Variants in DLGAP2 observed in about 807,000 individuals in gnomAD.
The protein encoded by DLGAP2 is DLG associated protein 2.
A neutral mutation model predicts 100.3 loss-of-function variants in DLGAP2; 26 were observed. The observed-to-expected ratio is 0.26, with a 90% CI of 0.19 to 0.36. The LOEUF (loss-of-function observed/expected upper bound fraction) is 0.36. Ranked by LOEUF, DLGAP2 falls within the 10% of genes least tolerant of loss-of-function variation. The probability of loss-of-function intolerance (pLI) is 1.00; values close to 1 mark genes in which losing one functional copy is unlikely to be tolerated. For missense variants in DLGAP2, 1,858 were observed against 1,453.2 expected, an observed-to-expected ratio of 1.28 and a Z score of -4.53; for synonymous variants, 886 against 630.1, an observed-to-expected ratio of 1.41 and a Z score of -6.08.
In DLGAP2 at chr8:1,098,583, G is replaced by C. The variant is rs544774050; in HGVS notation, c.74-160268G>C. Among the ~76,000 whole-genome samples the C allele has an allele frequency of 9.6e-4, 139 of 145,468 alleles. 2 individuals carry two copies. The highest frequency in any genetic ancestry group is 2.9e-3 in the South Asian group (13 of 4,446). On this transcript the variant is annotated intron_variant, in intron 2 of 14. Coordinates refer to ENST00000637795, the MANE Select transcript of DLGAP2 (RefSeq NM_001346810.2). ...TGCGATGGCCACCCACAGACGCCGC[G>C]ACCCACACCAGGCTCCCGGCCGCCC...
chr8:941,938 G>T (rs530892466), intron 2 of DLGAP2, among the ~76,000 whole-genome samples: 29 of 152,214 alleles, frequency 1.9e-4, no homozygotes, highest in African/African-American at 6.5e-4. Context: ...GTTTTGGCTG[G>T]GAAGCGGGGG....
chr8:828,268 G>A (rs1347415079), intron 1 of DLGAP2, among the ~76,000 whole-genome samples: 1 of 152,154 alleles, frequency 6.6e-6, no homozygotes, highest in Non-Finnish European at 1.5e-5. Context: ...GAGCGCTATG[G>A]GAGACTGGAG....
intron 2 of DLGAP2, among the ~76,000 whole-genome samples, chr8:912,341 C>G (rs542844386): frequency 2.0e-5 from 3 of 152,152 alleles, no homozygotes; most frequent in Admixed American, 6.5e-5. Flanking sequence ...CGTGACTTCC[C>G]TGTGTTTGTG....
intron 3 of DLGAP2, among the ~76,000 whole-genome samples, chr8:1,339,976 A>T (rs1217153858): frequency 6.6e-6 from 1 of 152,262 alleles, no homozygotes; most frequent in Non-Finnish European, 1.5e-5. Context: ...TGAGAAAATC[A>T]TTCAAATACC....
At chr8:824,719 C>G (rs529588319) in intron 1 of DLGAP2, among the ~76,000 whole-genome samples, 1 of 152,090 alleles carries the variant, frequency 6.6e-6, no homozygotes, top group Non-Finnish European at 1.5e-5. Flanking sequence ...GTAGTGCTAG[C>G]GATTCAGAGG....
In DLGAP2 at chr8:924,575, C is replaced by CT. The variant is rs913404475; in HGVS notation, c.73+16621dup. Reference sequence around the variant, plus strand: ...GCACTGCATGCTTATCCCGGTTATTCTTTTTTTTTTTTCTTTCTTTCTTTT... The same window carrying CT: ...GCACTGCATGCTTATCCCGGTTATTCTTTTTTTTTTTTTCTTTCTTTCTTTT... On this transcript the variant is annotated intron_variant, in intron 2 of 14. Transcript: ENST00000637795. 3.8e-3 allele frequency among the ~76,000 whole-genome samples: 563 copies of CT among 146,278 alleles called. 3 individuals are homozygous for CT. The highest frequency in any genetic ancestry group is 0.011 in the African/African-American group (449 of 40,084).
chr8:750,017 G>A lies in DLGAP2; in HGVS notation c.18+12192G>A, dbSNP rs80003677. ...TCTCAAGCAGGACACATGTGAGTGC[G>A]GTCAGGGCCCACTCAGAAAGCCCCG... On this transcript the variant is annotated intron_variant, in intron 1 of 14. Transcript: ENST00000637795. Among the ~76,000 whole-genome samples, 1,235 of 152,274 alleles carry A rather than the reference G, an allele frequency of 8.1e-3. 21 individuals are homozygous for A. The highest frequency in any genetic ancestry group is 0.028 in the African/African-American group (1,174 of 41,552).
chr8:1,199,945 A>C (rs7827344), intron 2 of DLGAP2, among the ~76,000 whole-genome samples: 60,158 of 146,634 alleles, frequency 0.41, 11,989 homozygotes, highest in East Asian at 0.53. Context: ...ATTCCCCCCC[A>C]CAACCCCCCG....
intron 3 of DLGAP2, among the ~76,000 whole-genome samples, chr8:1,354,529 C>G (rs554509193): frequency 6.6e-6 from 1 of 151,844 alleles, no homozygotes; most frequent in Non-Finnish European, 1.5e-5. Flanking sequence ...AAAGAAAGAA[C>G]GAAAAGAAAA....
chr8:845,419 G>A (rs1260166103), intron 1 of DLGAP2, among the ~76,000 whole-genome samples: 3 of 152,226 alleles, frequency 2.0e-5, no homozygotes, highest in Admixed American at 2.0e-4. Flanking sequence ...GGCTAATGAT[G>A]TTGAACATCT....
chr8:1,436,684 A>G (rs1334755969), intron 3 of DLGAP2, among the ~76,000 whole-genome samples: 3 of 152,110 alleles, frequency 2.0e-5, no homozygotes, highest in African/African-American at 7.2e-5. Flanking sequence ...CTACAGTAGC[A>G]TACAGTGATG....
chr8:822,131 G>C, intron 1 of DLGAP2: 2 of 399,578 alleles, frequency 5.0e-6, no homozygotes, highest in Non-Finnish European at 8.8e-6. Flanking sequence ...GCCCTGCGCG[G>C]CTTCCCTCGC....
At chr8:1,494,408 T>C (rs1287783790) in intron 3 of DLGAP2, among the ~76,000 whole-genome samples, 1 of 152,184 alleles carries the variant, frequency 6.6e-6, no homozygotes, top group Non-Finnish European at 1.5e-5. Context: ...ACCTTGCAGT[T>C]GGCATTCACG....
chr8:1,602,439 G>A (rs1796658504), intron 6 of DLGAP2, among the ~76,000 whole-genome samples: 1 of 152,186 alleles, frequency 6.6e-6, no homozygotes, highest in Non-Finnish European at 1.5e-5. Context: ...ACAGTGAAAG[G>A]CCTATTCCAC....
intron 6 of DLGAP2, among the ~76,000 whole-genome samples, chr8:1,573,461 G>A (rs1384837664): frequency 1.3e-5 from 2 of 151,992 alleles, no homozygotes; most frequent in Admixed American, 1.3e-4. Flanking sequence ...CATCTAATGG[G>A]ATTGAGAAGA....
intron 3 of DLGAP2, among the ~76,000 whole-genome samples, chr8:1,360,190 G>A (rs919469952): frequency 6.6e-6 from 1 of 150,558 alleles, no homozygotes; most frequent in Non-Finnish European, 1.5e-5. Flanking sequence ...CTGCTTCCCG[G>A]GTGTGCTCAG....
chr8:1,285,306 AAC>A (rs1362704520), intron 3 of DLGAP2, among the ~76,000 whole-genome samples: 3 of 152,248 alleles, frequency 2.0e-5, no homozygotes, highest in Non-Finnish European at 4.4e-5. Context: ...TAAAAAATAA[AAC>A]AGTGCATACA....
chr8:1,091,448 A>G (rs1405783815), intron 2 of DLGAP2, among the ~76,000 whole-genome samples: 1 of 152,162 alleles, frequency 6.6e-6, no homozygotes, highest in Non-Finnish European at 1.5e-5. Context: ...ACATCTACTT[A>G]ATAAAGTTAC....
At chr8:1,000,438 G>T (rs36188395) in intron 2 of DLGAP2, among the ~76,000 whole-genome samples, 21 of 150,062 alleles carry the variant, frequency 1.4e-4, no homozygotes, top group African/African-American at 5.2e-4. Flanking sequence ...AGACAGATCC[G>T]GGTGGGGTGG....
Sources: gnomAD v4.1 joint callset for allele counts (sites outside exome capture counted in the v4.1 genomes callset) on GRCh38, gnomAD v4.1.1 for gene constraint, MANE v1.5 for transcripts, NCBI Gene and HGNC (gene_info 2026-07-23, HGNC 2026-07-21) for gene names.